SLC23A2: variants seen among roughly 807,000 people sequenced by gnomAD.
SLC23A2 encodes Na(+)/L-ascorbic acid transporter 2.
In SLC23A2, 36 loss-of-function variants were observed where a neutral mutation model predicts 73.3. The observed-to-expected ratio is 0.49, with a 90% CI of 0.38 to 0.65. SLC23A2 has a LOEUF of 0.65. Among genes scored for constraint, SLC23A2 ranks in the 30% least tolerant of loss-of-function variants. The probability of loss-of-function intolerance (pLI) is 0.00; values close to 1 mark genes in which losing one functional copy is unlikely to be tolerated. For missense variants in SLC23A2, 507 were observed against 841.6 expected (o/e 0.60, Z 4.92); for synonymous variants, 343 against 327.3 (o/e 1.05, Z -0.52).
chr20:4,951,022 C>T (rs6052981), intron 2 of SLC23A2, among the ~76,000 whole-genome samples: 3,341 of 152,172 alleles, frequency 0.022, 130 homozygotes, highest in African/African-American at 0.075. Flanking sequence ...CCACCACAAG[C>T]GCCCAGAACA....
chr20:4,995,104 T>C (rs1338877119), intron 1 of SLC23A2, among the ~76,000 whole-genome samples: 1 of 152,126 alleles, frequency 6.6e-6, no homozygotes, highest in Non-Finnish European at 1.5e-5. Flanking sequence ...TATTCAAATT[T>C]AATTGAATGG....
At chr20:4,983,538 TG>T (rs2087764792) in intron 1 of SLC23A2, among the ~76,000 whole-genome samples, 1 of 150,550 alleles carries the variant, frequency 6.6e-6, no homozygotes, top group South Asian at 2.1e-4. Flanking sequence ...CCCAGCTACT[TG>T]GGAGGCTGAG....
At chr20:4,866,498 GGTA>G (rs1227485243) in intron 13 of SLC23A2, among the ~76,000 whole-genome samples, 2 of 152,156 alleles carry the variant, frequency 1.3e-5, no homozygotes, top group African/African-American at 4.8e-5. Flanking sequence ...TCTCACCATG[GGTA>G]GCAAAAGGAC....
At chr20:4,942,368 C>T (rs1023258405) in intron 2 of SLC23A2, among the ~76,000 whole-genome samples, 1 of 103,986 alleles carries the variant, frequency 9.6e-6, no homozygotes, top group African/African-American at 4.2e-5. Flanking sequence ...GAAATCGCTA[C>T]AGTCTCAAAA....
intron 2 of SLC23A2, among the ~76,000 whole-genome samples, chr20:4,957,526 G>A (rs2087309933): frequency 6.6e-6 from 1 of 150,454 alleles, no homozygotes; most frequent in East Asian, 1.9e-4. Context: ...GATTATGTGA[G>A]GAAAAAACTT....
intron 6 of SLC23A2, among the ~76,000 whole-genome samples, chr20:4,893,360 C>T (rs562731646): frequency 3.9e-5 from 6 of 152,316 alleles, no homozygotes; most frequent in African/African-American, 1.4e-4. Context: ...CCGCCTTGCT[C>T]AGCCTGCAAC....
chr20:4,954,596 G>GC (rs2087253277), intron 2 of SLC23A2, among the ~76,000 whole-genome samples: 1 of 151,530 alleles, frequency 6.6e-6, no homozygotes, highest in East Asian at 1.9e-4. Flanking sequence ...TACTCGGTAA[G>GC]CTGAGGCAGG....
chr20:4,893,307 C>A (rs540690227), intron 6 of SLC23A2, among the ~76,000 whole-genome samples: 1 of 152,080 alleles, frequency 6.6e-6, no homozygotes, highest in Non-Finnish European at 1.5e-5. Context: ...TTAAGCAATC[C>A]TCCCGCCTCA....
intron 4 of SLC23A2, among the ~76,000 whole-genome samples, chr20:4,905,080 C>T (rs1183649380): frequency 6.9e-6 from 1 of 144,984 alleles, no homozygotes; most frequent in Non-Finnish European, 1.5e-5. Flanking sequence ...CACCACTGCA[C>T]TCTGGCCTGG....
At chr20:4,906,848 T>C (rs561004253) in intron 4 of SLC23A2, among the ~76,000 whole-genome samples, 3 of 152,218 alleles carry the variant, frequency 2.0e-5, no homozygotes, top group South Asian at 4.2e-4. Context: ...TTTTTTAATA[T>C]GGAAATTGTT....
At chr20:4,997,522 A>G (rs1185458612) in intron 1 of SLC23A2, among the ~76,000 whole-genome samples, 1 of 151,678 alleles carries the variant, frequency 6.6e-6, no homozygotes, top group African/African-American at 2.4e-5. Context: ...GAAAGAATTC[A>G]TTATATTGAA....
At position 4,923,460 on chromosome 20, in the gene SLC23A2, T is replaced by C. The variant is rs2122921639; in HGVS notation, c.108+8995A>G. 1.3e-5 allele frequency among the ~76,000 whole-genome samples: 2 copies of C among 152,332 alleles called. 1 individual carries two copies. The highest frequency in any genetic ancestry group is 4.1e-4 in the South Asian group (2 of 4,832). On this transcript the variant is annotated intron_variant, in intron 3 of 16. Coordinates refer to ENST00000338244, the MANE Select transcript of SLC23A2 (RefSeq NM_005116.6). Reference sequence around the variant, plus strand: ...TCTTGGTTGTTCCACTTCAAGCTGTTAAGGGCATCCCCTGCCTAAATCATG... The same window carrying C: ...TCTTGGTTGTTCCACTTCAAGCTGTCAAGGGCATCCCCTGCCTAAATCATG...
rs73893860 is a variant in SLC23A2 at position 4,905,966 on chromosome 20, C to A, written c.208-3408G>T. Among the ~76,000 whole-genome samples the A allele has an allele frequency of 4.7e-3, 723 of 152,320 alleles. 4 individuals are homozygous for A. The highest frequency in any genetic ancestry group is 0.014 in the African/African-American group (601 of 41,568). On this transcript the variant is annotated intron_variant, in intron 4 of 16. Coordinates refer to ENST00000338244, the MANE Select transcript of SLC23A2 (RefSeq NM_005116.6). Reference sequence around the variant, plus strand: ...TTATCATAAAGTAGCATGTATTATTCTCTTGTACATTTCTCCTTTTTACTA... The same window carrying A: ...TTATCATAAAGTAGCATGTATTATTATCTTGTACATTTCTCCTTTTTACTA...
At position 4,863,262 on chromosome 20, in the gene SLC23A2, A is replaced by G. The variant is rs1171247732; in HGVS notation, c.1357-355T>C. ...ATTTCCCCCAAAGTGCTTCAGCCTCAATGCCAACTTCCCCACACCGGAAAT... is the reference window on the plus strand; with the variant it reads ...ATTTCCCCCAAAGTGCTTCAGCCTCGATGCCAACTTCCCCACACCGGAAAT... On this transcript the variant is annotated intron_variant, in intron 13 of 16. Transcript: ENST00000338244. This position sits in a 1 kb window ranked among gnomAD's most constrained non-coding sequence, Gnocchi z 4.8. Among the ~76,000 whole-genome samples, 1 of 152,166 alleles carries G rather than the reference A, an allele frequency of 6.6e-6. No individual in the cohort carries two copies. Among genetic ancestry groups the G allele is most frequent in the Non-Finnish European group, 1.5e-5 (1 of 68,042 alleles).
At chr20:4,936,136 G>T (rs1281222453) in intron 2 of SLC23A2, among the ~76,000 whole-genome samples, 1 of 152,126 alleles carries the variant, frequency 6.6e-6, no homozygotes, top group East Asian at 1.9e-4. Context: ...AAATCCATCA[G>T]CCTTCTACAT....
At chr20:4,915,545 G>T (rs963655265) in intron 3 of SLC23A2, among the ~76,000 whole-genome samples, 2 of 152,182 alleles carry the variant, frequency 1.3e-5, no homozygotes, top group Non-Finnish European at 2.9e-5. Context: ...GGTCCAGAGA[G>T]ATTCCCAATT....
chr20:4,938,463 C>G (rs762274254), intron 2 of SLC23A2, among the ~76,000 whole-genome samples: 3 of 151,790 alleles, frequency 2.0e-5, no homozygotes, highest in Admixed American at 1.3e-4. Flanking sequence ...CTCAGCGTCT[C>G]GAGTAGCTGG....
chr20:4,862,724 C>A lies in SLC23A2; in HGVS notation c.1486+54G>T. On this transcript the variant is annotated intron_variant, in intron 14 of 16. Transcript: ENST00000338244. The surrounding 1 kb of genome is among the most constrained non-coding windows in gnomAD (Gnocchi z 5.1). ...AAGGGAGTCAGCAAAAACACCATGA[C>A]CCCTATTAAAAATTTGGAAAAGTAA... The A allele has an allele frequency of 2.6e-6, 4 of 1,537,988 alleles. No homozygotes were observed. Among genetic ancestry groups the A allele is most frequent in the East Asian group, 2.3e-5 (1 of 43,784 alleles).
At chr20:4,943,204 G>A (rs1383342893) in intron 2 of SLC23A2, among the ~76,000 whole-genome samples, 1 of 151,988 alleles carries the variant, frequency 6.6e-6, no homozygotes, top group Non-Finnish European at 1.5e-5. Flanking sequence ...TTTACTCCAA[G>A]TAGACGGCAC....
Sources: allele counts gnomAD v4.1 joint callset (sites outside exome capture counted in the v4.1 genomes callset), GRCh38; gene constraint gnomAD v4.1.1; non-coding constraint Gnocchi (gnomAD v3.1); transcripts MANE v1.5; gene names NCBI Gene and HGNC (gene_info 2026-07-23, HGNC 2026-07-21).